The following PRKN variants were observed in gnomAD, a reference collection of about 807,000 sequenced individuals.
The protein encoded by PRKN is E3 ubiquitin-protein ligase parkin.
PRKN carries 56 observed loss-of-function variants against 59.5 expected under a neutral mutation model. That is an observed-to-expected ratio of 0.94 (90% CI 0.76 to 1.18). PRKN has a LOEUF of 1.18. Ranked by LOEUF, PRKN falls within the 50% of genes most tolerant of loss-of-function variation. PRKN has a pLI of 0.00. For synonymous variants in PRKN, 250 were observed against 222.1 expected (o/e 1.13, Z -1.12); for missense variants, 657 against 596.4 (o/e 1.10, Z -1.06).
chr6:162,144,930 T>C (rs891654002), intron 4 of PRKN, among the ~76,000 whole-genome samples: 1 of 152,116 alleles, frequency 6.6e-6, no homozygotes, highest in Non-Finnish European at 1.5e-5. Flanking sequence ...ATGAGGAGCA[T>C]AGCACCAACT....
At chr6:161,493,544 T>A (rs1777634261) in intron 9 of PRKN, among the ~76,000 whole-genome samples, 1 of 152,182 alleles carries the variant, frequency 6.6e-6, no homozygotes, top group Non-Finnish European at 1.5e-5. Flanking sequence ...GATGGATAGA[T>A]GGACGAACGG....
intron 1 of PRKN, among the ~76,000 whole-genome samples, chr6:162,702,349 ACTTC>A (rs962216876): frequency 1.3e-5 from 2 of 152,204 alleles, no homozygotes; most frequent in South Asian, 2.1e-4. Flanking sequence ...TTCATATTCT[ACTTC>A]CTTCATAGAT....
chr6:162,556,373 G>GTGCA, intron 1 of PRKN, among the ~76,000 whole-genome samples: 1 of 101,216 alleles, frequency 9.9e-6, no homozygotes, highest in Non-Finnish European at 2.3e-5. Flanking sequence ...GTGTGTGTGT[G>GTGCA]TGTGTGTGTG....
chr6:161,673,680 G>T (rs1186827733), intron 7 of PRKN, among the ~76,000 whole-genome samples: 1 of 152,196 alleles, frequency 6.6e-6, no homozygotes. Flanking sequence ...AAGATCAGCT[G>T]GGGGCTGTTG....
intron 4 of PRKN, among the ~76,000 whole-genome samples, chr6:162,178,394 C>T (rs1232931057): frequency 1.3e-5 from 2 of 152,120 alleles, no homozygotes; most frequent in African/African-American, 2.4e-5. Context: ...TGGGAGTGTT[C>T]GCTCAGCAAT....
At position 161,396,789 on chromosome 6, in the gene PRKN, G is replaced by C. The variant is rs76158172; in HGVS notation, c.1084-9912C>G. 6.6e-6 allele frequency among the ~76,000 whole-genome samples: 1 copy of C among 152,284 alleles called. No individual in the cohort carries two copies. The highest frequency in any genetic ancestry group is 2.4e-5 in the African/African-American group (1 of 41,550). ...TGCTCTCTAGCACAGCAGGGGAGGCGAAATGCTTTCCCTGAATACCTGGGC... is the reference window on the plus strand; with the variant it reads ...TGCTCTCTAGCACAGCAGGGGAGGCCAAATGCTTTCCCTGAATACCTGGGC... On this transcript the variant is annotated intron_variant, in intron 9 of 11. Coordinates refer to ENST00000366898, the MANE Select transcript of PRKN (RefSeq NM_004562.3). This position sits in a 1 kb window ranked among gnomAD's most constrained non-coding sequence, Gnocchi z 5.4.
chr6:161,486,979 G>A (rs1223265254), intron 9 of PRKN, among the ~76,000 whole-genome samples: 1 of 152,180 alleles, frequency 6.6e-6, no homozygotes, highest in Non-Finnish European at 1.5e-5. Context: ...ATGCACATCA[G>A]TGTCTGAGTA....
intron 7 of PRKN, among the ~76,000 whole-genome samples, chr6:161,636,273 T>C (rs2128156662): frequency 6.6e-6 from 1 of 152,344 alleles, no homozygotes; most frequent in African/African-American, 2.4e-5. Flanking sequence ...GATGTGCATA[T>C]TTGTCTCCCA....
chr6:162,109,765 T>C (rs1780343186), intron 4 of PRKN, among the ~76,000 whole-genome samples: 1 of 152,228 alleles, frequency 6.6e-6, no homozygotes, highest in South Asian at 2.1e-4. Context: ...AATGAGCACT[T>C]ATACAAAGAT....
intron 6 of PRKN, among the ~76,000 whole-genome samples, chr6:161,854,086 A>AG (rs1196793375): frequency 1.4e-5 from 2 of 144,782 alleles, no homozygotes; most frequent in Non-Finnish European, 3.0e-5. Flanking sequence ...TTTCTACATA[A>AG]AAAAAAAAAA....
At chr6:162,451,577 A>C (rs1790629628) in intron 1 of PRKN, among the ~76,000 whole-genome samples, 1 of 152,062 alleles carries the variant, frequency 6.6e-6, no homozygotes, top group Admixed American at 6.6e-5. Context: ...AAAAAAGAAA[A>C]AAAGAGAGAG....
At chr6:161,928,016 C>A (rs924650699) in intron 6 of PRKN, among the ~76,000 whole-genome samples, 1 of 152,140 alleles carries the variant, frequency 6.6e-6, no homozygotes, top group African/African-American at 2.4e-5. Context: ...TATGATGGTA[C>A]CCCTGGGAGA....
chr6:161,438,481 G>T (rs1789036011), intron 9 of PRKN, among the ~76,000 whole-genome samples: 1 of 152,040 alleles, frequency 6.6e-6, no homozygotes, highest in South Asian at 2.1e-4. Context: ...CTCCCAAGGT[G>T]CTGGGATTAC....
chr6:161,779,440 CTTTTTTTTTTT>C lies in PRKN; in HGVS notation c.871+6321_871+6331del, dbSNP rs10683923. Among the ~76,000 whole-genome samples, 7 of 41,848 alleles carry C rather than the reference CTTTTTTTTTTT, an allele frequency of 1.7e-4. No individual in the cohort carries two copies. In the South Asian group the frequency reaches 0.011, roughly 68 times the overall value. 27.5% of individuals were successfully genotyped at this position (41,848 alleles called of 152,430 possible). A position where few individuals can be genotyped will look rare whatever the true frequency, so the allele number is the denominator to read the frequency against. ...TTTTTTTCTCTTTTTCTTTTCTTTT[CTTTTTTTTTTT>C]TTTTTTTTTTTGAGATGGAGTCTCG... On this transcript the variant is annotated intron_variant, in intron 7 of 11. Coordinates refer to ENST00000366898, the MANE Select transcript of PRKN (RefSeq NM_004562.3).
intron 7 of PRKN, among the ~76,000 whole-genome samples, chr6:161,604,855 A>G (rs1384183607): frequency 6.6e-6 from 1 of 152,144 alleles, no homozygotes; most frequent in African/African-American, 2.4e-5. Flanking sequence ...GAATCACTTG[A>G]GCCTGGGAGG....
intron 6 of PRKN, among the ~76,000 whole-genome samples, chr6:161,897,872 C>T (rs558061258): frequency 0.089 from 12,777 of 143,754 alleles, 568 homozygotes; most frequent in South Asian, 0.12. Context: ...GAGGCTGAGG[C>T]AGGAGAATGG....
chr6:161,957,519 C>T (rs1442049723), intron 6 of PRKN, among the ~76,000 whole-genome samples: 7 of 151,378 alleles, frequency 4.6e-5, no homozygotes, highest in Admixed American at 3.3e-4. Context: ...CCACCTCCTG[C>T]GTTCAAGCGA....
intron 2 of PRKN, among the ~76,000 whole-genome samples, chr6:162,304,114 GATTATA>G (rs2128114900): frequency 7.2e-6 from 1 of 138,816 alleles, no homozygotes; most frequent in South Asian, 2.1e-4. Context: ...TAATCCAAGT[GATTATA>G]ATTCATTTGG....
intron 7 of PRKN, among the ~76,000 whole-genome samples, chr6:161,680,776 T>TATATATATATATATA (rs1491495272): frequency 1.1e-4 from 2 of 18,942 alleles, no homozygotes; most frequent in Non-Finnish European, 1.1e-4. Context: ...TATATATATA[T>TATATATATATATATA]TTTTTTTTTT....
Sources: gnomAD v4.1 joint callset for allele counts (sites outside exome capture counted in the v4.1 genomes callset) on GRCh38, gnomAD v4.1.1 for gene constraint, Gnocchi (gnomAD v3.1) non-coding constraint, MANE v1.5 for transcripts, NCBI Gene and HGNC (gene_info 2026-07-23, HGNC 2026-07-21) for gene names.